Variants in TRAK1 observed in about 807,000 individuals in gnomAD.
The protein encoded by TRAK1 is trafficking kinesin protein 1.
In TRAK1, 33 loss-of-function variants were observed where a neutral mutation model predicts 92.1. The observed-to-expected ratio is 0.36, with a 90% CI of 0.27 to 0.48. The LOEUF (loss-of-function observed/expected upper bound fraction) is 0.48, where lower values mean the gene tolerates loss of function less well. TRAK1 is among the 20% of genes least tolerant of loss of function. The pLI is 0.99. For missense variants in TRAK1, 1,123 were observed against 1,257.9 expected, an observed-to-expected ratio of 0.89 and a Z score of 1.62; for synonymous variants, 521 against 517.3, an observed-to-expected ratio of 1.01 and a Z score of -0.10.
At chr3:42,127,195 A>C (rs1353330545) in intron 2 of TRAK1, among the ~76,000 whole-genome samples, 11 of 152,152 alleles carry the variant, frequency 7.2e-5, no homozygotes, top group Non-Finnish European at 1.6e-4. Flanking sequence ...TCTGCAAAAA[A>C]ATTCACAAGA....
chr3:42,030,556 C>G (rs1462426829), intron 1 of TRAK1, among the ~76,000 whole-genome samples: 1 of 148,614 alleles, frequency 6.7e-6, no homozygotes, highest in African/African-American at 2.5e-5. Flanking sequence ...GCCTGTAATC[C>G]CAGCTATTTG....
Position 42,202,730 on chromosome 3 carries a change from C to G in TRAK1, c.1722C>G (p.Leu574=), listed in dbSNP as rs907803996. 2.5e-6 allele frequency: 4 copies of G among 1,613,818 alleles called. No individual in the cohort carries two copies. In the African/African-American group the frequency reaches 5.3e-5, roughly 22 times the overall value. Residue 574 remains leucine, a synonymous_variant, in exon 13 of 16, where the codon CTC becomes CTG. Transcript: ENST00000327628. This position sits in a 1 kb window ranked among gnomAD's most constrained non-coding sequence, Gnocchi z 6.1. ...GCCGCTCCTACCTGCCTGAGAAGCTCCAGATCGTGAAGCCGCTGGAAGGTG... is the reference window on the plus strand; with the variant it reads ...GCCGCTCCTACCTGCCTGAGAAGCTGCAGATCGTGAAGCCGCTGGAAGGTG... ...FSSRSYLPEK[L]QIVKPLEGSA...
intron 13 of TRAK1, among the ~76,000 whole-genome samples, chr3:42,208,881 C>G (rs188039406): frequency 1.3e-5 from 2 of 152,272 alleles, no homozygotes; most frequent in African/African-American, 4.8e-5. Flanking sequence ...GCAAGAACAC[C>G]GTAGCATACT....
Position 42,184,673 on chromosome 3 carries a change from T to C in TRAK1, c.364-12T>C. The C allele has an allele frequency of 3.7e-6, 6 of 1,613,200 alleles. No individual in the cohort carries two copies. The highest frequency in any genetic ancestry group is 4.2e-6 in the Non-Finnish European group (5 of 1,179,362). On this transcript the variant is annotated splice_polypyrimidine_tract_variant and intron_variant, in intron 3 of 15. Transcript: ENST00000327628. Reference sequence around the variant, plus strand: ...TCTTTTGAATCTCTGTTCTCCCTCTTTCCTTTTGTAGAAAGAGCGGGATTT... The same window carrying C: ...TCTTTTGAATCTCTGTTCTCCCTCTCTCCTTTTGTAGAAAGAGCGGGATTT...
At chr3:42,151,055 A>G (rs989504344) in intron 2 of TRAK1, among the ~76,000 whole-genome samples, 1 of 152,214 alleles carries the variant, frequency 6.6e-6, no homozygotes, top group Non-Finnish European at 1.5e-5. Context: ...TTTTAAAGTA[A>G]GGGATTGAAT....
chr3:42,090,041 C>A (rs529309641), upstream of TRAK1, among the ~76,000 whole-genome samples: 54 of 152,248 alleles, frequency 3.5e-4, no homozygotes, highest in Non-Finnish European at 5.4e-4. Flanking sequence ...CTGTAGGACC[C>A]CAGGGCAAGG....
chr3:42,116,934 G>GT, intron 1 of TRAK1, among the ~76,000 whole-genome samples: 1 of 152,310 alleles, frequency 6.6e-6, no homozygotes. Context: ...GTCCCAGAGT[G>GT]TGGCGCCAGG....
chr3:42,074,173 C>T (rs949413632), intron 1 of TRAK1, among the ~76,000 whole-genome samples: 1 of 152,196 alleles, frequency 6.6e-6, no homozygotes, highest in African/African-American at 2.4e-5. Flanking sequence ...GCTAGACTCG[C>T]ATCCTAGGCA....
intron 2 of TRAK1, among the ~76,000 whole-genome samples, chr3:42,174,725 T>C (rs1702982162): frequency 6.7e-6 from 1 of 148,744 alleles, no homozygotes; most frequent in Non-Finnish European, 1.5e-5. Context: ...AAATTTTATA[T>C]ATATACAAAA....
chr3:42,210,084 A>ATGGAGG lies in TRAK1; in HGVS notation c.1963+99_1963+100insTGGAGG, dbSNP rs777218715. The ATGGAGG allele has an allele frequency of 9.7e-6, 14 of 1,441,044 alleles. No individual in the cohort carries two copies. The African/African-American group carries it at 1.3e-4, about 14-fold the overall frequency. 89.3% of individuals were successfully genotyped at this position (1,441,044 alleles called of 1,614,324 possible). On this transcript the variant is annotated intron_variant, in intron 14 of 15. Transcript: ENST00000327628. ...GGAGATGCAGGAGCCGCCAGCGGCC[A>ATGGAGG]CGGAGGAGGAGGAGGAGGAGGAGGA... is the stretch of plus-strand genomic sequence containing the variant.
In TRAK1 at chr3:42,120,749, AG is replaced by A. The variant is rs200815535; in HGVS notation, c.92-4670del. 4.4e-3 allele frequency among the ~76,000 whole-genome samples: 671 copies of A among 152,242 alleles called. 4 individuals are homozygous for A. Among genetic ancestry groups the A allele is most frequent in the African/African-American group, 0.015 (625 of 41,542 alleles). ...TTTTAGTACAGACGGGGTTTCAACA[AG>A]TTGGCCAGGGTGGTCTCGATCTCTT... On this transcript the variant is annotated intron_variant, in intron 1 of 15. Coordinates refer to ENST00000327628, the MANE Select transcript of TRAK1 (RefSeq NM_001042646.3).
chr3:42,196,903 C>T (rs1409055298), intron 10 of TRAK1, among the ~76,000 whole-genome samples: 2 of 151,728 alleles, frequency 1.3e-5, no homozygotes, highest in African/African-American at 2.4e-5. Flanking sequence ...TGCTGATCTC[C>T]ACTTCAAAAT....
At chr3:42,163,534 C>T (rs1701511634) in intron 2 of TRAK1, among the ~76,000 whole-genome samples, 1 of 151,534 alleles carries the variant, frequency 6.6e-6, no homozygotes, top group African/African-American at 2.4e-5. Flanking sequence ...CGCCACTGCA[C>T]TCCAGCCTGG....
At chr3:42,083,565 T>C (rs1458612539), upstream of TRAK1, among the ~76,000 whole-genome samples, 1 of 152,182 alleles carries the variant, frequency 6.6e-6, no homozygotes, top group Non-Finnish European at 1.5e-5. Flanking sequence ...CTTATGTGAC[T>C]ATCTTTCACT....
upstream of TRAK1, among the ~76,000 whole-genome samples, chr3:42,089,443 G>C (rs6599198): frequency 0.041 from 6,169 of 152,090 alleles, 418 homozygotes; most frequent in African/African-American, 0.14. Context: ...CTTCCAGTGA[G>C]CTCCCCTTCT....
intron 1 of TRAK1, among the ~76,000 whole-genome samples, chr3:42,114,244 T>TG (rs1244660478): frequency 3.3e-5 from 5 of 152,254 alleles, no homozygotes; most frequent in African/African-American, 1.2e-4. Context: ...GTGTTAGGAT[T>TG]GTTTTTATCT....
Position 42,184,709 on chromosome 3 carries a change from G to T in TRAK1, c.388G>T (p.Ala130Ser). 6.2e-7 allele frequency: 1 copy of T among 1,614,030 alleles called. No individual in the cohort carries two copies. Among genetic ancestry groups the T allele is most frequent in the South Asian group, 1.1e-5 (1 of 91,066 alleles). The change falls in exon 4 of 16, where the codon GCT becomes TCT. Residue 130 changes from alanine (A) to serine (S), a missense_variant. By Grantham distance (99) the Ala-to-Ser change is moderately conservative. Around this residue, in one of 3 missense-constraint regions of TRAK1, gnomAD observed 686 missense variants for 747.6 expected, o/e 0.92. Coordinates refer to ENST00000327628, the MANE Select transcript of TRAK1 (RefSeq NM_001042646.3). ...GAAAGAGCGGGATTTAGAATTGGCC[G>T]CTCGCATCGGCCAGTCGTTGTTGAA... ...EEKERDLELA[A>S]RIGQSLLKKN...
chr3:42,096,723 G>T (rs907509573), intron 1 of TRAK1, among the ~76,000 whole-genome samples: 8 of 152,296 alleles, frequency 5.3e-5, no homozygotes, highest in African/African-American at 1.7e-4. Flanking sequence ...GCTGTGAAGG[G>T]GGCAGCCACA....
chr3:42,093,033 T>A (rs1705335120), intron 1 of TRAK1, among the ~76,000 whole-genome samples: 1 of 152,198 alleles, frequency 6.6e-6, no homozygotes, highest in African/African-American at 2.4e-5. Context: ...TAGTATAATT[T>A]TTATTTGTGT....
Sources: allele counts gnomAD v4.1 joint callset (sites outside exome capture counted in the v4.1 genomes callset), GRCh38; gene constraint gnomAD v4.1.1; regional missense constraint gnomAD v4.1.1; non-coding constraint Gnocchi (gnomAD v3.1); transcripts MANE v1.5; gene names NCBI Gene and HGNC (gene_info 2026-07-23, HGNC 2026-07-21).